The following GGN variants were observed in gnomAD, a reference collection of about 807,000 sequenced individuals.
The protein encoded by GGN is gametogenetin.
Under a neutral mutation model 35.5 loss-of-function variants are expected in GGN, and 27 were observed. That is an observed-to-expected ratio of 0.76 (90% CI 0.56 to 1.05). GGN has a LOEUF of 1.05. Ranked by LOEUF, GGN falls within the 50% of genes least tolerant of loss-of-function variation. GGN has a pLI of 0.00. For synonymous variants in GGN, 425 were observed against 444.1 expected (o/e 0.96, Z 0.54); for missense variants, 1,006 against 940.7 (o/e 1.07, Z -0.91).
At position 38,385,407 on chromosome 19, in the gene GGN, T is replaced by C; in HGVS notation, c.1841+14A>G. On this transcript the variant is annotated intron_variant, in intron 3 of 3. Transcript: ENST00000334928. The stretch of plus-strand genomic sequence containing the variant: ...CTGGGGTTCGGCACCCTCCTGTCCC[T>C]TCTCCCCTCTCACCAGGCAGAGACG... The C allele has an allele frequency of 6.2e-7, 1 of 1,613,336 alleles. No homozygotes were observed. Among genetic ancestry groups the C allele is most frequent in the Middle Eastern group, 1.9e-4 (1 of 5,364 alleles).
In GGN at chr19:38,385,688, G is replaced by A. The variant is rs757820791; in HGVS notation, c.1574C>T (p.Thr525Met). The change falls in exon 3 of 4, where the codon ACG becomes ATG. Residue 525 changes from threonine to methionine, a missense_variant. Coordinates refer to ENST00000334928, the MANE Select transcript of GGN (RefSeq NM_152657.4). The part of the protein sequence containing the change: ...APAAAPIKTR[T>M]RRNKGSRAAR... ...TGCACGGGAACCCTTGTTCCTGCGC[G>A]TGCGGGTCTTGATGGGCGCAGCCGC... The A allele has an allele frequency of 2.5e-6, 4 of 1,613,270 alleles. No individual in the cohort carries two copies. Among genetic ancestry groups the A allele is most frequent in the Middle Eastern group, 1.6e-4 (1 of 6,082 alleles).
chr19:38,387,219 G>T lies in GGN; in HGVS notation c.43C>A (p.Arg15=). 1 of 1,595,020 alleles carries T rather than the reference G, an allele frequency of 6.3e-7. No individual in the cohort carries two copies. Among genetic ancestry groups the T allele is most frequent in the Admixed American group, 1.7e-5 (1 of 57,870 alleles). ...GCGCGGTCCGAGGGCTGCACTTTTC[G>T]GGAGCCCCCGCCCGCGGATGGCTCC... ...QSEPSAGGGS[R]KVQPSDRAPD... is the part of the protein sequence containing the mutation. The change falls in exon 3 of 4, where the codon CGA becomes AGA. Residue 15 remains arginine, a synonymous_variant. Transcript: ENST00000334928. The surrounding 1 kb of genome is among the most constrained non-coding windows in gnomAD (Gnocchi z 5.3).
rs759309033 is a variant in GGN at position 38,385,752 on chromosome 19, C to T, written c.1510G>A (p.Val504Met). ...GACACAGGCGGCGAGGGCTCAGCCA[C>T]GGTGGGAGCTGGAGCCGGGGATGGG... ...PAPSPAPAPT[V>M]AEPSPPVSAP... The change falls in exon 3 of 4, where the codon GTG (valine) becomes ATG (methionine). Residue 504 changes from valine (V) to methionine (M), a missense_variant. Coordinates refer to ENST00000334928, the MANE Select transcript of GGN (RefSeq NM_152657.4). 1.3e-6 allele frequency: 2 copies of T among 1,487,374 alleles called. No homozygotes were observed. Among genetic ancestry groups the T allele is most frequent in the Admixed American group, 1.9e-5 (1 of 54,004 alleles). The allele number at this position is 1,487,374 out of a possible 1,614,324, so 92.1% of individuals were successfully genotyped here.
intron 3 of GGN, among the ~76,000 whole-genome samples, 182 bp downstream of exon 3, chr19:38,385,239 G>C (rs114414569): frequency 7.2e-5 from 11 of 152,228 alleles, no homozygotes; most frequent in Non-Finnish European, 1.3e-4. Context: ...CCCTTTCCCC[G>C]TCAAAGGTCA....
rs1255517894 is a variant in GGN, at chr19:38,385,593, G to T, written c.1669C>A (p.Pro557Thr). The change falls in exon 3 of 4, where the codon CCT (proline) becomes ACT (threonine). Residue 557 changes from proline to threonine, a missense_variant. Physicochemically the swap from Pro to Thr is conservative, Grantham distance 38. Transcript: ENST00000334928. ...CCACCCCCTCCACCACTGCTGTCAG[G>T]CACGGTAGCTGTAGCTCGTTCGCGA... ...GPRERATATV[P>T]DSSGGGGGGS... 16 of 1,614,054 alleles carry T rather than the reference G, an allele frequency of 9.9e-6. No individual in the cohort carries two copies. Among genetic ancestry groups the T allele is most frequent in the Non-Finnish European group, 1.3e-5 (15 of 1,180,030 alleles).
Position 38,384,304 on chromosome 19 carries a change from G to T in GGN, c.*108C>A. 1.2e-6 allele frequency: 1 copy of T among 800,208 alleles called. No individual in the cohort carries two copies. The allele number at this position is 800,208 out of a possible 1,614,324, so 49.6% of individuals were successfully genotyped here. On this transcript the variant is annotated 3_prime_UTR_variant, in exon 4 of 4. Transcript: ENST00000334928. ...TGTGCTTTAATGGCGATCCTGCCCT[G>T]CTGCACCCTACCCACTGCCTTGGCG...
At chr19:38,384,647 C>T in intron 3 of GGN, 118 bp from the exon 4 acceptor site, 1 of 744,816 alleles carries the variant, frequency 1.3e-6, no homozygotes, top group African/African-American at 1.8e-5. Context: ...TTGGAATATC[C>T]CAAAGGCAGT....
In GGN at chr19:38,386,062, A is replaced by T. The variant is rs1970713637; in HGVS notation, c.1200T>A (p.Ala400=). The stretch of plus-strand genomic sequence containing the variant: ...CAGGTGCGGGCCTCCGGGGCCCGGG[A>T]GCTGAGTGTATCTGCTCTGGTGGTG... ...PPPPPEQIHS[A]PGPRRPAPAL... Residue 400 remains alanine (A), a synonymous_variant, in exon 3 of 4, where the codon GCT becomes GCA. Coordinates refer to ENST00000334928, the MANE Select transcript of GGN (RefSeq NM_152657.4). The T allele has an allele frequency of 6.3e-7, 1 of 1,592,434 alleles. No homozygotes were observed. Among genetic ancestry groups the T allele is most frequent in the Admixed American group, 1.7e-5 (1 of 57,164 alleles).
Position 38,386,319 on chromosome 19 carries a change from C to T in GGN, c.943G>A (p.Gly315Ser), listed in dbSNP as rs1435617971. ...GAGCACCCTTCGCCGTCTCCATCAC[C>T]TCCCTCGGCTTCCTGTGCCCCTCGA... is the stretch of plus-strand genomic sequence containing the variant. ...VSRGAQEAEG[G>S]DGDGEGCSGP... is the part of the protein sequence containing the mutation. Residue 315 changes from glycine to serine, a missense_variant, in exon 3 of 4, where the codon GGT becomes AGT. Physicochemically the swap from Gly to Ser is moderately conservative, Grantham distance 56 (BLOSUM62 0). Coordinates refer to ENST00000334928, the MANE Select transcript of GGN (RefSeq NM_152657.4). 6.2e-7 allele frequency: 1 copy of T among 1,611,754 alleles called. No individual in the cohort carries two copies. Among genetic ancestry groups the T allele is most frequent in the Non-Finnish European group, 8.5e-7 (1 of 1,179,090 alleles).
Position 38,386,035 on chromosome 19 carries a change from G to A in GGN, c.1227C>T (p.Ala409=). 1 of 1,602,330 alleles carries A rather than the reference G, an allele frequency of 6.2e-7. No individual in the cohort carries two copies. Residue 409 remains alanine, a synonymous_variant, in exon 3 of 4, where the codon GCC becomes GCT. Transcript: ENST00000334928. The part of the protein sequence containing the change: ...SAPGPRRPAP[A]LLAPPTFIFP... ...AGATGAACGTAGGCGGCGCCAGCAG[G>A]GCAGGTGCGGGCCTCCGGGGCCCGG...
rs1970752325 is a variant in GGN, at chr19:38,387,363, G to A, written c.-19-83C>T. On this transcript the variant is annotated intron_variant, in intron 2 of 3. Transcript: ENST00000334928. The surrounding 1 kb of genome is among the most constrained non-coding windows in gnomAD (Gnocchi z 5.3). Reference sequence around the variant, plus strand: ...TGGCTGTACTTGATCTAATGCGTCCGCACCGGCCCCGCCCCTGTTCTCCAA... The same window carrying A: ...TGGCTGTACTTGATCTAATGCGTCCACACCGGCCCCGCCCCTGTTCTCCAA... The A allele has an allele frequency of 1.4e-6, 2 of 1,444,388 alleles. No individual in the cohort carries two copies. The highest frequency in any genetic ancestry group is 9.1e-7 in the Non-Finnish European group (1 of 1,101,268). 89.5% of individuals were successfully genotyped at this position (1,444,388 alleles called of 1,614,324 possible).
rs1258653832 is a variant in GGN, at chr19:38,386,502, C to T, written c.760G>A (p.Ala254Thr). 1.9e-6 allele frequency: 3 copies of T among 1,612,818 alleles called. No individual in the cohort carries two copies. The highest frequency in any genetic ancestry group is 2.5e-6 in the Non-Finnish European group (3 of 1,179,990). Reference protein sequence around the residue: ...KITFKSRPSLAPPAASSSLAA... With the variant: ...KITFKSRPSLTPPAASSSLAA... ...AAGGAACTCGAGGCTGCCGGAGGGG[C>T]CAAAGAGGGCCTCGACTTGAAGGTG... Residue 254 changes from alanine (A) to threonine (T), a missense_variant, in exon 3 of 4, where the codon GCC (alanine) becomes ACC (threonine). Coordinates refer to ENST00000334928, the MANE Select transcript of GGN (RefSeq NM_152657.4).
Position 38,385,520 on chromosome 19 carries a change from C to T in GGN, c.1742G>A (p.Arg581His), listed in dbSNP as rs1346470518. 1.9e-6 allele frequency: 3 copies of T among 1,613,962 alleles called. No homozygotes were observed. The highest frequency in any genetic ancestry group is 2.7e-5 in the African/African-American group (2 of 74,942). ...QTGAANTRAA[R>H]HWLPFQVLNS... ...AAGCACCTGGAAGGGCAGCCAGTGGCGCGCAGCGCGGGTGTTAGCTGCCCC... is the reference window on the plus strand; with the variant it reads ...AAGCACCTGGAAGGGCAGCCAGTGGTGCGCAGCGCGGGTGTTAGCTGCCCC... The change falls in exon 3 of 4, where the codon CGC (arginine) becomes CAC (histidine). Residue 581 changes from arginine to histidine, a missense_variant. Arg to His is a conservative substitution (Grantham distance 29, BLOSUM62 0). Coordinates refer to ENST00000334928, the MANE Select transcript of GGN (RefSeq NM_152657.4).
In GGN at chr19:38,386,350, C is replaced by G. The variant is rs1321485190; in HGVS notation, c.912G>C (p.Glu304Asp). The G allele has an allele frequency of 2.5e-6, 4 of 1,612,696 alleles. No individual in the cohort carries two copies. The highest frequency in any genetic ancestry group is 3.4e-6 in the Non-Finnish European group (4 of 1,179,686). Residue 304 changes from glutamate to aspartate, a missense_variant, in exon 3 of 4, where the codon GAG becomes GAC. By Grantham distance (45) the Glu-to-Asp change is conservative (BLOSUM62 2). Coordinates refer to ENST00000334928, the MANE Select transcript of GGN (RefSeq NM_152657.4). ...LPPGAARPLG[E>D]VSRGAQEAEG... ...CGGCTTCCTGTGCCCCTCGAGAAAC[C>G]TCTCCCAAGGGGCGAGCGGCTCCAG...
chr19:38,387,218 C>T lies in GGN; in HGVS notation c.44G>A (p.Arg15Gln). 2 of 1,594,550 alleles carry T rather than the reference C, an allele frequency of 1.3e-6. No homozygotes were observed. The highest frequency in any genetic ancestry group is 8.5e-7 in the Non-Finnish European group (1 of 1,171,710). The change falls in exon 3 of 4, where the codon CGA becomes CAA. Residue 15 changes from arginine to glutamine, a missense_variant. Coordinates refer to ENST00000334928, the MANE Select transcript of GGN (RefSeq NM_152657.4). This position sits in a 1 kb window ranked among gnomAD's most constrained non-coding sequence, Gnocchi z 5.3. ...QSEPSAGGGS[R>Q]KVQPSDRAPD... ...GGCGCGGTCCGAGGGCTGCACTTTTCGGGAGCCCCCGCCCGCGGATGGCTC... is the reference window on the plus strand; with the variant it reads ...GGCGCGGTCCGAGGGCTGCACTTTTTGGGAGCCCCCGCCCGCGGATGGCTC...
chr19:38,386,244 G>A lies in GGN; in HGVS notation c.1018C>T (p.Pro340Ser), dbSNP rs777293552. Residue 340 changes from proline to serine, a missense_variant, in exon 3 of 4, where the codon CCC becomes TCC. Physicochemically the swap from Pro to Ser is moderately conservative, Grantham distance 74. Coordinates refer to ENST00000334928, the MANE Select transcript of GGN (RefSeq NM_152657.4). ...ASQARALPPPPYTTFPGSKPK... is the reference protein window; with the variant it reads ...ASQARALPPPSYTTFPGSKPK... The stretch of plus-strand genomic sequence containing the variant: ...TTCGAGCCTGGGAAGGTGGTGTAGG[G>A]TGGCGGCGGTAGGGCCCGGGCTTGG... The A allele has an allele frequency of 1.2e-6, 2 of 1,609,854 alleles. No homozygotes were observed. The highest frequency in any genetic ancestry group is 1.7e-6 in the Non-Finnish European group (2 of 1,179,116).
chr19:38,384,331 G>C lies in GGN; in HGVS notation c.*81C>G. Reference sequence around the variant, plus strand: ...TGCACCCTACCCACTGCCTTGGCGAGTGATTGACAGGCTGCTGGCATCTGG... The same window carrying C: ...TGCACCCTACCCACTGCCTTGGCGACTGATTGACAGGCTGCTGGCATCTGG... On this transcript the variant is annotated 3_prime_UTR_variant, in exon 4 of 4. Transcript: ENST00000334928. 9.7e-7 allele frequency: 1 copy of C among 1,028,900 alleles called. No individual in the cohort carries two copies. The highest frequency in any genetic ancestry group is 1.8e-5 in the Admixed American group (1 of 56,932). 63.7% of individuals were successfully genotyped at this position (1,028,900 alleles called of 1,614,324 possible).
chr19:38,386,564 G>A lies in GGN; in HGVS notation c.698C>T (p.Ala233Val). The A allele has an allele frequency of 3.7e-6, 6 of 1,613,568 alleles. No homozygotes were observed. The highest frequency in any genetic ancestry group is 1.3e-5 in the African/African-American group (1 of 75,060). Residue 233 changes from alanine (A) to valine (V), a missense_variant, in exon 3 of 4, where the codon GCG becomes GTG. Transcript: ENST00000334928. ...CAGGCTCAGACCGGACTCGGAATCC[G>A]CAGGCTGGGCCATTTCGCCTTCGCC... is the stretch of plus-strand genomic sequence containing the variant. ...HAGEGEMAQPADSESGLSLLC... is the reference protein window; with the variant it reads ...HAGEGEMAQPVDSESGLSLLC...
At position 38,384,279 on chromosome 19, in the gene GGN, T is replaced by A. The variant is rs1970672787; in HGVS notation, c.*133A>T. ...TCCAGCTTCACGATTGTTTCCAAGATGTGCTTTAATGGCGATCCTGCCCTG... is the reference window on the plus strand; with the variant it reads ...TCCAGCTTCACGATTGTTTCCAAGAAGTGCTTTAATGGCGATCCTGCCCTG... On this transcript the variant is annotated 3_prime_UTR_variant, in exon 4 of 4. Coordinates refer to ENST00000334928, the MANE Select transcript of GGN (RefSeq NM_152657.4). 1 of 703,068 alleles carries A rather than the reference T, an allele frequency of 1.4e-6. No homozygotes were observed. The highest frequency in any genetic ancestry group is 2.5e-6 in the Non-Finnish European group (1 of 392,788). The allele number at this position is 703,068 out of a possible 1,614,324, so 43.6% of individuals were successfully genotyped here. A position where few individuals can be genotyped will look rare whatever the true frequency, so the allele number is the denominator to read the frequency against.
Sources: allele counts gnomAD v4.1 joint callset (sites outside exome capture counted in the v4.1 genomes callset), GRCh38; gene constraint gnomAD v4.1.1; non-coding constraint Gnocchi (gnomAD v3.1); transcripts MANE v1.5; gene names NCBI Gene and HGNC (gene_info 2026-07-23, HGNC 2026-07-21).